EFHB: variants seen among roughly 807,000 people sequenced by gnomAD.
The protein encoded by EFHB is EF-hand domain-containing family member B.
In EFHB, 91 loss-of-function variants were observed where a neutral mutation model predicts 87.2. The observed-to-expected ratio is 1.04, with a 90% CI of 0.88 to 1.24. The LOEUF is 1.24. Ranked by LOEUF, EFHB falls within the 50% of genes most tolerant of loss-of-function variation. The pLI is 0.00. For missense variants in EFHB, 1,084 were observed against 998.8 expected (o/e 1.09, Z -1.15); for synonymous variants, 325 against 333.6 (o/e 0.97, Z 0.28).
intron 1 of EFHB, among the ~76,000 whole-genome samples, chr3:19,943,587 T>TA (rs1293638446): frequency 2.0e-5 from 3 of 152,060 alleles, no homozygotes; most frequent in East Asian, 1.9e-4. Context: ...TAATACAAAT[T>TA]AAAAAAATAC....
rs775045364 is a variant in EFHB, at chr3:19,884,537, T to A, written c.2012A>T (p.Asp671Val). 2.4e-5 allele frequency: 38 copies of A among 1,613,884 alleles called. No individual in the cohort carries two copies. The highest frequency in any genetic ancestry group is 3.1e-5 in the Non-Finnish European group (36 of 1,179,900). The change falls in exon 11 of 13, where the codon GAT (aspartate) becomes GTT (valine). Residue 671 changes from aspartate (D) to valine (V), a missense_variant. Physicochemically the swap from Asp to Val is radical, Grantham distance 152 (BLOSUM62 -3). Coordinates refer to ENST00000295824, the MANE Select transcript of EFHB (RefSeq NM_144715.4). ...PEQTLLIKPE[D>V]IVLKEAGSTE... Reference sequence around the variant, plus strand: ...GCTTCCTGCTTCTTTTAAGACAATATCTTCTGGCTTTATGAGGAGAGTTTG... The same window carrying A: ...GCTTCCTGCTTCTTTTAAGACAATAACTTCTGGCTTTATGAGGAGAGTTTG...
chr3:19,936,066 G>A (rs1218064924), upstream of EFHB: 46 of 1,150,684 alleles, frequency 4.0e-5, no homozygotes, highest in South Asian at 1.1e-4. Flanking sequence ...CAGGATTCCA[G>A]AACTCTACAA....
chr3:19,928,925 A>T (rs1695727474), intron 1 of EFHB, among the ~76,000 whole-genome samples: 3 of 152,194 alleles, frequency 2.0e-5, no homozygotes, highest in Admixed American at 2.0e-4. Context: ...AAATAATGAT[A>T]AGCAATTATG....
Position 19,933,672 on chromosome 3 carries a change from A to T in EFHB, c.347T>A (p.Leu116His). ...CCGTTCATGGGTATATCCTGCAAGA[A>T]GACTCTCATTTTCTAACCCCATTCT... Reference protein sequence around the residue: ...PGRMGLENESLLAGYTHERII... With the variant: ...PGRMGLENESHLAGYTHERII... Residue 116 changes from leucine (L) to histidine (H), a missense_variant, in exon 1 of 13, where the codon CTT becomes CAT. Transcript: ENST00000295824. The T allele has an allele frequency of 1.2e-6, 2 of 1,614,034 alleles. No individual in the cohort carries two copies. Among genetic ancestry groups the T allele is most frequent in the Non-Finnish European group, 1.7e-6 (2 of 1,179,898 alleles).
intron 5 of EFHB, 143 bp downstream of exon 5, chr3:19,915,160 G>A (rs1016806263): frequency 1.8e-6 from 1 of 558,638 alleles, no homozygotes; most frequent in Non-Finnish European, 3.2e-6. Flanking sequence ...CAGCTATCAT[G>A]GTTTATGACC....
At chr3:19,899,358 C>T (rs1244195682) in intron 7 of EFHB, 74 bp downstream of exon 7, 4 of 1,063,388 alleles carry the variant, frequency 3.8e-6, no homozygotes, top group South Asian at 3.5e-5. Context: ...ATAGGCACAC[C>T]AACAGTTACC....
At chr3:19,881,530 G>T (rs147968395) in intron 12 of EFHB, among the ~76,000 whole-genome samples, 1 of 152,248 alleles carries the variant, frequency 6.6e-6, no homozygotes, top group Admixed American at 6.5e-5. Context: ...TATTTCATAG[G>T]CCTTTCAGAG....
chr3:19,933,843 G>T lies in EFHB; in HGVS notation c.176C>A (p.Pro59Gln), dbSNP rs1695926117. 1 of 1,613,902 alleles carries T rather than the reference G, an allele frequency of 6.2e-7. No homozygotes were observed. Among genetic ancestry groups the T allele is most frequent in the Non-Finnish European group, 8.5e-7 (1 of 1,179,880 alleles). ...GCTCAATGGAAATTTTGTTTCTGGT[G>T]GTGCCATCCTTCCCTCACACTTATT... ...VSNKCEGRMA[P>Q]PETKFPLSKG... The change falls in exon 1 of 13, where the codon CCA (proline) becomes CAA (glutamine). Residue 59 changes from proline to glutamine, a missense_variant. Physicochemically the swap from Pro to Gln is moderately conservative, Grantham distance 76. Transcript: ENST00000295824.
At chr3:19,909,976 C>T (rs891194940) in intron 5 of EFHB, among the ~76,000 whole-genome samples, 1 of 152,002 alleles carries the variant, frequency 6.6e-6, no homozygotes, top group East Asian at 1.9e-4. Context: ...TATCAAGGGC[C>T]TTGGGTAAGC....
chr3:19,895,613 C>T (rs982252459), intron 9 of EFHB, among the ~76,000 whole-genome samples: 2 of 152,074 alleles, frequency 1.3e-5, no homozygotes, highest in African/African-American at 2.4e-5. Context: ...ATGGCAGGTT[C>T]TCTTATTCAT....
chr3:19,898,751 T>G, intron 8 of EFHB, 27 bp downstream of exon 8: 1 of 1,611,092 alleles, frequency 6.2e-7, no homozygotes, highest in Non-Finnish European at 8.5e-7. Flanking sequence ...GTTTGGGGTT[T>G]TTTACGGAGA....
rs544265636 is a variant in EFHB, at chr3:19,934,066, G to T, written c.-48C>A. On this transcript the variant is annotated 5_prime_UTR_variant, in exon 1 of 13. Transcript: ENST00000295824. ...TTTCTCCAAGAGCGCTCATCTCTAAGGGGAAAGCTGTACCTGGCTACAAAG... is the reference window on the plus strand; with the variant it reads ...TTTCTCCAAGAGCGCTCATCTCTAATGGGAAAGCTGTACCTGGCTACAAAG... 3.9e-6 allele frequency: 6 copies of T among 1,533,278 alleles called. No homozygotes were observed. In the East Asian group the frequency reaches 9.7e-5, roughly 25 times the overall value. The allele number at this position is 1,533,278 out of a possible 1,614,324, so 95.0% of individuals were successfully genotyped here. A position where few individuals can be genotyped will look rare whatever the true frequency, so the allele number is the denominator to read the frequency against.
rs920988313 is a variant in EFHB at position 19,886,692 on chromosome 3, A to G, written c.1933+1752T>C. On this transcript the variant is annotated intron_variant, in intron 10 of 12. Transcript: ENST00000295824. ...ACACTGTCTCAAAAAAAAAAAAAAA[A>G]AAAAAAAAAAAGCAAGGCAAATGAG... Among the ~76,000 whole-genome samples, 6 of 150,968 alleles carry G rather than the reference A, an allele frequency of 4.0e-5. No individual in the cohort carries two copies. The East Asian group carries it at 1.2e-3, about 29-fold the overall frequency.
intron 1 of EFHB, among the ~76,000 whole-genome samples, chr3:19,921,855 C>T (rs890071321): frequency 6.6e-6 from 1 of 151,962 alleles, no homozygotes; most frequent in African/African-American, 2.4e-5. Flanking sequence ...AGGATACGAA[C>T]TCAAGTCATT....
At chr3:19,903,802 G>A (rs1694750049) in intron 6 of EFHB, among the ~76,000 whole-genome samples, 1 of 152,090 alleles carries the variant, frequency 6.6e-6, no homozygotes. Context: ...TATAGATCTG[G>A]TGCAGTGGTT....
At chr3:19,929,231 G>A (rs940039056) in intron 1 of EFHB, among the ~76,000 whole-genome samples, 2 of 150,082 alleles carry the variant, frequency 1.3e-5, no homozygotes, top group South Asian at 4.2e-4. Flanking sequence ...AAGAGACAAG[G>A]TCTCACTATG....
At chr3:19,886,563 C>T (rs1694106695) in intron 10 of EFHB, among the ~76,000 whole-genome samples, 1 of 150,600 alleles carries the variant, frequency 6.6e-6, no homozygotes, top group Admixed American at 6.6e-5. Flanking sequence ...GGCAACACAG[C>T]CACTCAAGAG....
chr3:19,933,025 C>G (rs146970305), intron 1 of EFHB, among the ~76,000 whole-genome samples: 1 of 152,210 alleles, frequency 6.6e-6, no homozygotes, highest in African/African-American at 2.4e-5. Context: ...GCAGAGAAAA[C>G]AAAGCTGACA....
intron 4 of EFHB, 60 bp downstream of exon 4, chr3:19,918,172 A>C: frequency 7.1e-7 from 1 of 1,409,742 alleles, no homozygotes. Flanking sequence ...ATTTAATCAA[A>C]TTTTCCAAAG....
Sources: allele counts gnomAD v4.1 joint callset (sites outside exome capture counted in the v4.1 genomes callset), GRCh38; gene constraint gnomAD v4.1.1; transcripts MANE v1.5; gene names NCBI Gene and HGNC (gene_info 2026-07-23, HGNC 2026-07-21).